The following PRKCQ variants were observed in gnomAD, a reference collection of about 807,000 sequenced individuals.
The protein encoded by PRKCQ is protein kinase C theta, also known as protein kinase C theta type.
In PRKCQ, 41 loss-of-function variants were observed where a neutral mutation model predicts 91.2. The ratio of observed to expected loss-of-function variants is 0.45; its 90% CI spans 0.35 to 0.58. The LOEUF (loss-of-function observed/expected upper bound fraction) is 0.58, where lower values mean the gene tolerates loss of function less well. Among genes scored for constraint, PRKCQ ranks in the 20% least tolerant of loss-of-function variants. The pLI is 0.00. For synonymous variants in PRKCQ, 307 were observed against 316.9 expected (o/e 0.97, Z 0.33); for missense variants, 673 against 896.5 (o/e 0.75, Z 3.18).
chr10:6,511,059 G>A lies in PRKCQ; in HGVS notation c.254C>T (p.Thr85Ile), dbSNP rs1357821968. The change falls in exon 3 of 18, where the codon ACC becomes ATC. Residue 85 changes from threonine to isoleucine, a missense_variant. Coordinates refer to ENST00000263125, the MANE Select transcript of PRKCQ (RefSeq NM_006257.5). ...AGCCAGCGAGTAGAGCTCCACGGTG[G>A]TTTCAGAGATGAGGTCCACGTTTTT... is the stretch of plus-strand genomic sequence containing the variant. ...KGKNVDLISETTVELYSLAER... is the reference protein window; with the variant it reads ...KGKNVDLISEITVELYSLAER... 2 of 1,614,108 alleles carry A rather than the reference G, an allele frequency of 1.2e-6. No individual in the cohort carries two copies. Among genetic ancestry groups the A allele is most frequent in the African/African-American group, 1.3e-5 (1 of 75,018 alleles).
intron 16 of PRKCQ, among the ~76,000 whole-genome samples, chr10:6,439,866 G>A (rs1196041119): frequency 6.6e-6 from 1 of 152,120 alleles, no homozygotes; most frequent in Admixed American, 6.5e-5. Flanking sequence ...TAGGAGGTTG[G>A]CTCCTCTAAC....
chr10:6,493,713 A>T (rs971261741), intron 7 of PRKCQ, among the ~76,000 whole-genome samples: 1 of 152,190 alleles, frequency 6.6e-6, no homozygotes, highest in Non-Finnish European at 1.5e-5. Context: ...TGAAAATTTG[A>T]TCTAAGCAAG....
At chr10:6,432,950 T>C (rs1239323377) in intron 16 of PRKCQ, among the ~76,000 whole-genome samples, 1 of 152,170 alleles carries the variant, frequency 6.6e-6, no homozygotes, top group Non-Finnish European at 1.5e-5. Flanking sequence ...AGGGCTCAGC[T>C]TTCACCCCCT....
intron 1 of PRKCQ, among the ~76,000 whole-genome samples, chr10:6,525,318 C>T (rs2130888543): frequency 6.6e-6 from 1 of 152,228 alleles, no homozygotes; most frequent in South Asian, 2.1e-4. Context: ...TGGCTCATGC[C>T]TGTAATCCCA....
chr10:6,535,778 C>T (rs1033275006), intron 1 of PRKCQ, among the ~76,000 whole-genome samples: 1 of 152,156 alleles, frequency 6.6e-6, no homozygotes, highest in Non-Finnish European at 1.5e-5. Flanking sequence ...TCAAAGCGGA[C>T]AGATCCCGAT....
chr10:6,507,661 G>A (rs1029239376), intron 3 of PRKCQ, among the ~76,000 whole-genome samples, 165 bp from the exon 4 acceptor site: 2 of 152,196 alleles, frequency 1.3e-5, no homozygotes, highest in African/African-American at 2.4e-5. Context: ...TGTAGCAACC[G>A]TGACAATCGC....
At chr10:6,438,778 T>C (rs999747704) in intron 16 of PRKCQ, among the ~76,000 whole-genome samples, 1 of 152,140 alleles carries the variant, frequency 6.6e-6, no homozygotes, top group African/African-American at 2.4e-5. Context: ...AGATTTTTTG[T>C]AGAGATGGGG....
intron 12 of PRKCQ, among the ~76,000 whole-genome samples, chr10:6,468,723 A>G (rs1325849116): frequency 6.6e-6 from 1 of 152,268 alleles, no homozygotes; most frequent in South Asian, 2.1e-4. Flanking sequence ...CAAAATAAAT[A>G]AAATTAAGAT....
chr10:6,399,863 C>T, the PRKCQ span, among the ~76,000 whole-genome samples: 3 of 152,056 alleles, frequency 2.0e-5, no homozygotes, highest in African/African-American at 7.2e-5. Flanking sequence ...GGCCCAGCAT[C>T]TCCTATGAAC....
intron 1 of PRKCQ, among the ~76,000 whole-genome samples, chr10:6,571,841 G>C (rs1202287355): frequency 1.3e-5 from 2 of 152,000 alleles, no homozygotes; most frequent in African/African-American, 4.8e-5. Context: ...AACAAACCAA[G>C]AAACAAACAA....
At chr10:6,443,760 G>A (rs7918373) in intron 15 of PRKCQ, among the ~76,000 whole-genome samples, 14,319 of 152,220 alleles carry the variant, frequency 0.094, 950 homozygotes, top group Admixed American at 0.15. Context: ...TGCTACGTGA[G>A]TGAACCTTGA....
At chr10:6,485,640 C>G (rs1294981885) in intron 9 of PRKCQ, among the ~76,000 whole-genome samples, 1 of 152,172 alleles carries the variant, frequency 6.6e-6, no homozygotes, top group Non-Finnish European at 1.5e-5. Flanking sequence ...AATGCCAAAA[C>G]AGTAAACAGC....
At chr10:6,549,123 T>C (rs1468666879) in intron 1 of PRKCQ, among the ~76,000 whole-genome samples, 2 of 152,152 alleles carry the variant, frequency 1.3e-5, no homozygotes, top group African/African-American at 4.8e-5. Flanking sequence ...TCTGAAAACT[T>C]AAGAAGCAGT....
chr10:6,417,282 G>A, the PRKCQ span, among the ~76,000 whole-genome samples: 1 of 152,182 alleles, frequency 6.6e-6, no homozygotes, highest in Non-Finnish European at 1.5e-5. Context: ...TGAAATTTGA[G>A]TAGGCTTTGC....
the PRKCQ span, among the ~76,000 whole-genome samples, chr10:6,415,561 T>TAAGGTGGA: frequency 0.047 from 7,011 of 150,582 alleles, 270 homozygotes; most frequent in South Asian, 0.13. Context: ...AAGCTTGTGG[T>TAAGGTGGA]AAGGTGGAGG....
chr10:6,440,561 G>A lies in PRKCQ; in HGVS notation c.1836+1332C>T, dbSNP rs535154132. Among the ~76,000 whole-genome samples, 34 of 152,248 alleles carry A rather than the reference G, an allele frequency of 2.2e-4. No individual in the cohort carries two copies. In the South Asian group the frequency reaches 6.6e-3, roughly 30 times the overall value. ...GGTAAGGTCTGAAGCAGAAACTCAGGAGTTAGAATGGAAGAGAACAAGAAC... is the reference window on the plus strand; with the variant it reads ...GGTAAGGTCTGAAGCAGAAACTCAGAAGTTAGAATGGAAGAGAACAAGAAC... On this transcript the variant is annotated intron_variant, in intron 16 of 17. Transcript: ENST00000263125.
chr10:6,414,098 TG>T, the PRKCQ span, among the ~76,000 whole-genome samples: 1 of 152,140 alleles, frequency 6.6e-6, no homozygotes, highest in Admixed American at 6.5e-5. Context: ...AGCAAATGCG[TG>T]GGGAACTCAA....
chr10:6,556,343 G>A (rs2130945483), intron 1 of PRKCQ, among the ~76,000 whole-genome samples: 1 of 148,740 alleles, frequency 6.7e-6, no homozygotes, highest in East Asian at 2.1e-4. Context: ...AAGGTGGGAG[G>A]AATGTTTGAG....
In PRKCQ at chr10:6,521,771, T is replaced by G. The variant is rs1588377961; in HGVS notation, c.-9-6627A>C. On this transcript the variant is annotated intron_variant, in intron 1 of 17. Transcript: ENST00000263125. ...CTCCATCTATCTCTTGCAGAGCACTTACTACCCTCTGATGTCCTCATCTGG... is the reference window on the plus strand; with the variant it reads ...CTCCATCTATCTCTTGCAGAGCACTGACTACCCTCTGATGTCCTCATCTGG... Among the ~76,000 whole-genome samples, 7 of 152,258 alleles carry G rather than the reference T, an allele frequency of 4.6e-5. 2 individuals are homozygous for G. Among genetic ancestry groups the G allele is most frequent in the Admixed American group, 4.6e-4 (7 of 15,298 alleles).
Sources: gnomAD v4.1 joint callset for allele counts (sites outside exome capture counted in the v4.1 genomes callset) on GRCh38, gnomAD v4.1.1 for gene constraint, MANE v1.5 for transcripts, NCBI Gene and HGNC (gene_info 2026-07-23, HGNC 2026-07-21) for gene names.